The following SLC24A3 variants were observed in gnomAD, a reference collection of about 807,000 sequenced individuals.
The protein encoded by SLC24A3 is solute carrier family 24 member 3, also known as sodium/potassium/calcium exchanger 3.
In SLC24A3, 28 loss-of-function variants were observed where a neutral mutation model predicts 75.8. That is an observed-to-expected ratio of 0.37 (90% CI 0.27 to 0.51). The LOEUF is 0.51. Ranked by LOEUF, SLC24A3 falls within the 20% of genes least tolerant of loss-of-function variation. SLC24A3 has a pLI of 0.94. For synonymous variants in SLC24A3, 372 were observed against 334.1 expected, an observed-to-expected ratio of 1.11 and a Z score of -1.24; for missense variants, 663 against 847.8, an observed-to-expected ratio of 0.78 and a Z score of 2.71.
At chr20:19,244,775 C>A (rs1982440301) in intron 1 of SLC24A3, among the ~76,000 whole-genome samples, 1 of 152,142 alleles carries the variant, frequency 6.6e-6, no homozygotes, top group Non-Finnish European at 1.5e-5. Context: ...TCCTCCTGAT[C>A]CAAAACAACA....
At chr20:19,337,823 GA>G (rs1985171622) in intron 2 of SLC24A3, among the ~76,000 whole-genome samples, 1 of 152,144 alleles carries the variant, frequency 6.6e-6, no homozygotes, top group Non-Finnish European at 1.5e-5. Context: ...GGGCTGGCTC[GA>G]TTAGGATGGC....
rs958188742 is a variant in SLC24A3 at position 19,693,540 on chromosome 20, T to C, written c.1491+115T>C. On this transcript the variant is annotated intron_variant, in intron 13 of 16. Coordinates refer to ENST00000328041, the MANE Select transcript of SLC24A3 (RefSeq NM_020689.4). ...CTAGTCAGCTATTGCTACAATAAGC[T>C]GCACAACGAACCACTCCTAAACTTA... 7 of 1,357,828 alleles carry C rather than the reference T, an allele frequency of 5.2e-6. No individual in the cohort carries two copies. The African/African-American group carries it at 1.0e-4, about 20-fold the overall frequency. The allele number at this position is 1,357,828 out of a possible 1,614,324, so 84.1% of individuals were successfully genotyped here.
intron 2 of SLC24A3, among the ~76,000 whole-genome samples, chr20:19,408,157 G>A (rs1248016725): frequency 1.3e-5 from 2 of 152,136 alleles, no homozygotes; most frequent in African/African-American, 4.8e-5. Flanking sequence ...TTGTCTGATT[G>A]TGAAACACAT....
chr20:19,326,078 G>A (rs561475664), intron 2 of SLC24A3, among the ~76,000 whole-genome samples: 41 of 152,090 alleles, frequency 2.7e-4, no homozygotes, highest in African/African-American at 9.6e-4. Context: ...TGTATTTTAG[G>A]ATTAGGGATG....
At chr20:19,699,058 A>G (rs1172561729) in intron 15 of SLC24A3, among the ~76,000 whole-genome samples, 3 of 152,234 alleles carry the variant, frequency 2.0e-5, no homozygotes, top group Non-Finnish European at 4.4e-5. Flanking sequence ...TGAATTTTAT[A>G]TCATTTTTAT....
intron 2 of SLC24A3, among the ~76,000 whole-genome samples, chr20:19,396,186 G>T (rs1356658907): frequency 6.6e-6 from 1 of 152,160 alleles, no homozygotes; most frequent in Admixed American, 6.5e-5. Context: ...AGGTTGATGT[G>T]CTCTTGCTGT....
intron 2 of SLC24A3, chr20:19,284,063 C>G (rs1983740349): frequency 6.5e-6 from 1 of 152,868 alleles, no homozygotes; most frequent in African/African-American, 2.4e-5. Context: ...GCCATCATCT[C>G]TGCTGCATTG....
chr20:19,346,342 ATGG>A (rs1985425240), intron 2 of SLC24A3, among the ~76,000 whole-genome samples: 4 of 53,522 alleles, frequency 7.5e-5, no homozygotes, highest in Non-Finnish European at 1.0e-4. Flanking sequence ...GTATATATAT[ATGG>A]TATATATATG....
intron 2 of SLC24A3, among the ~76,000 whole-genome samples, chr20:19,376,988 G>A (rs1287463125): frequency 3.9e-5 from 6 of 152,176 alleles, no homozygotes; most frequent in Admixed American, 2.0e-4. Context: ...AAATGCCACC[G>A]GCCTGTCCAT....
chr20:19,685,293 A>G lies in SLC24A3; in HGVS notation c.1256A>G (p.Glu419Gly). The change falls in exon 12 of 17, where the codon GAG becomes GGG. Residue 419 changes from glutamate to glycine, a missense_variant. Transcript: ENST00000328041. ...NETENENEDN[E>G]NDEEEEEDED... is the part of the protein sequence containing the mutation. The stretch of plus-strand genomic sequence containing the variant: ...ACAGAGAATGAAAATGAGGACAATG[A>G]GAATGATGAGGAGGAAGAGGAGGAC... 1 of 1,614,092 alleles carries G rather than the reference A, an allele frequency of 6.2e-7. No individual in the cohort carries two copies. The highest frequency in any genetic ancestry group is 8.5e-7 in the Non-Finnish European group (1 of 1,180,020).
chr20:19,513,097 C>G (rs2029913950), intron 2 of SLC24A3, among the ~76,000 whole-genome samples: 1 of 151,926 alleles, frequency 6.6e-6, no homozygotes, highest in Non-Finnish European at 1.5e-5. Flanking sequence ...GGCAGCTACA[C>G]TGAAAAATGC....
intron 2 of SLC24A3, among the ~76,000 whole-genome samples, chr20:19,492,156 C>T (rs150002936): frequency 6.6e-6 from 1 of 152,188 alleles, no homozygotes; most frequent in Non-Finnish European, 1.5e-5. Context: ...GTATTTCAAA[C>T]AGAGCTTTCT....
At chr20:19,569,389 G>T (rs1376802366) in intron 3 of SLC24A3, among the ~76,000 whole-genome samples, 1 of 152,158 alleles carries the variant, frequency 6.6e-6, no homozygotes, top group Non-Finnish European at 1.5e-5. Context: ...TAGACTTAAG[G>T]ACTTGTTCAT....
intron 3 of SLC24A3, among the ~76,000 whole-genome samples, chr20:19,537,180 G>GA (rs2030413986): frequency 1.3e-5 from 2 of 151,876 alleles, no homozygotes; most frequent in Admixed American, 1.3e-4. Context: ...AAATTTACAA[G>GA]AAAAAAACAA....
At chr20:19,514,866 G>A (rs1466205995) in intron 2 of SLC24A3, among the ~76,000 whole-genome samples, 1 of 152,186 alleles carries the variant, frequency 6.6e-6, no homozygotes, top group Non-Finnish European at 1.5e-5. Context: ...AGCAGAGGGA[G>A]GGAGCAGGGA....
At chr20:19,547,726 C>T (rs757145213) in intron 3 of SLC24A3, among the ~76,000 whole-genome samples, 5 of 152,352 alleles carry the variant, frequency 3.3e-5, no homozygotes, top group Non-Finnish European at 7.3e-5. Flanking sequence ...TTGCCCTGAG[C>T]CCAGCTCAGA....
chr20:19,374,910 G>A (rs1986055986), intron 2 of SLC24A3, among the ~76,000 whole-genome samples: 1 of 152,186 alleles, frequency 6.6e-6, no homozygotes, highest in African/African-American at 2.4e-5. Flanking sequence ...CATAGCCGAT[G>A]ATGGGAGTTG....
intron 1 of SLC24A3, among the ~76,000 whole-genome samples, chr20:19,224,922 G>A (rs955436139): frequency 2.0e-5 from 3 of 152,170 alleles, no homozygotes; most frequent in African/African-American, 7.2e-5. Flanking sequence ...GAATCTTTCT[G>A]GGAATTTTTT....
At chr20:19,569,792 C>A (rs558483943) in intron 3 of SLC24A3, among the ~76,000 whole-genome samples, 1 of 152,330 alleles carries the variant, frequency 6.6e-6, no homozygotes, top group African/African-American at 2.4e-5. Flanking sequence ...TCCGTGTCCT[C>A]TTGCACCTTC....
Sources: allele counts gnomAD v4.1 joint callset (sites outside exome capture counted in the v4.1 genomes callset), GRCh38; gene constraint gnomAD v4.1.1; transcripts MANE v1.5; gene names NCBI Gene and HGNC (gene_info 2026-07-23, HGNC 2026-07-21).